Variants in SPATA6 observed in about 807,000 individuals in gnomAD.
SPATA6 encodes the protein spermatogenesis-associated protein 6.
Under a neutral mutation model 65.3 loss-of-function variants are expected in SPATA6, and 56 were observed. The observed-to-expected ratio is 0.86, with a 90% CI of 0.69 to 1.07. SPATA6 has a LOEUF of 1.07. Ranked by LOEUF, SPATA6 falls within the 50% of genes least tolerant of loss-of-function variation. The pLI is 0.00. For synonymous variants in SPATA6, 199 were observed against 213.2 expected, an observed-to-expected ratio of 0.93 and a Z score of 0.58; for missense variants, 590 against 594.8, an observed-to-expected ratio of 0.99 and a Z score of 0.08.
At chr1:48,399,223 T>A (rs140203832) in intron 7 of SPATA6, 128 bp downstream of exon 7, 1 of 1,108,730 alleles carries the variant, frequency 9.0e-7, no homozygotes, top group East Asian at 2.6e-5. Context: ...CTTAGACTGC[T>A]AGGGTAGCAG....
chr1:48,382,896 C>T (rs1648909237), intron 9 of SPATA6, among the ~76,000 whole-genome samples: 1 of 145,636 alleles, frequency 6.9e-6, no homozygotes, highest in Non-Finnish European at 1.5e-5. Flanking sequence ...GGCGGCTGGC[C>T]GGGCGGGGGG....
chr1:48,471,475 A>C (rs773226661), intron 1 of SPATA6, among the ~76,000 whole-genome samples: 3 of 152,140 alleles, frequency 2.0e-5, no homozygotes, highest in Non-Finnish European at 4.4e-5. Context: ...AGACAGAATA[A>C]AGAAAGGCCC....
At chr1:48,461,349 C>T (rs1335969389) in intron 1 of SPATA6, among the ~76,000 whole-genome samples, 1 of 152,130 alleles carries the variant, frequency 6.6e-6, no homozygotes, top group African/African-American at 2.4e-5. Context: ...TTAATTAGAT[C>T]CCATTTGTCA....
intron 8 of SPATA6, among the ~76,000 whole-genome samples, chr1:48,391,287 A>G (rs1418133489): frequency 6.6e-6 from 1 of 151,798 alleles, no homozygotes; most frequent in Non-Finnish European, 1.5e-5. Context: ...TGAGGTGGGA[A>G]GATCATTTGA....
chr1:48,436,736 C>T lies in SPATA6; in HGVS notation c.238+14816G>A, dbSNP rs951798271. On this transcript the variant is annotated intron_variant, in intron 3 of 12. Transcript: ENST00000371847. Reference sequence around the variant, plus strand: ...TCAGATATTTACAGTGTTGGGATTACAGCATGTGAATTAGCCAGTGGGCAG... The same window carrying T: ...TCAGATATTTACAGTGTTGGGATTATAGCATGTGAATTAGCCAGTGGGCAG... 1.2e-5 allele frequency: 19 copies of T among 1,614,144 alleles called. 1 individual carries two copies. The highest frequency in any genetic ancestry group is 1.7e-5 in the Admixed American group (1 of 60,014).
At chr1:48,431,130 T>A (rs1254510738) in intron 3 of SPATA6, among the ~76,000 whole-genome samples, 1 of 151,738 alleles carries the variant, frequency 6.6e-6, no homozygotes, top group Non-Finnish European at 1.5e-5. Flanking sequence ...TATACTAATA[T>A]CAGACAAAAT....
At chr1:48,379,696 C>T (rs962062414) in intron 9 of SPATA6, among the ~76,000 whole-genome samples, 7 of 152,174 alleles carry the variant, frequency 4.6e-5, no homozygotes, top group Admixed American at 4.6e-4. Context: ...ATTCACAGAG[C>T]ACCCTCATAA....
Position 48,438,361 on chromosome 1 carries a change from T to C in SPATA6, c.238+13191A>G, listed in dbSNP as rs146364901. Among the ~76,000 whole-genome samples the C allele has an allele frequency of 7.9e-4, 120 of 152,270 alleles. 1 individual carries two copies. Among genetic ancestry groups the C allele is most frequent in the African/African-American group, 2.8e-3 (118 of 41,556 alleles). On this transcript the variant is annotated intron_variant, in intron 3 of 12. Coordinates refer to ENST00000371847, the MANE Select transcript of SPATA6 (RefSeq NM_019073.4). ...TTTTCCTTAGAATTTGGGGGCTAAA[T>C]ACCAGGCACCTGTTGGCCAGTTAAA...
At chr1:48,270,257 C>T in the SPATA6 span, among the ~76,000 whole-genome samples, 3 of 152,090 alleles carry the variant, frequency 2.0e-5, no homozygotes, top group African/African-American at 4.8e-5. Flanking sequence ...CATACACTTC[C>T]GCCAATTTCT....
intron 11 of SPATA6, among the ~76,000 whole-genome samples, chr1:48,313,249 C>T (rs976989481): frequency 2.0e-5 from 3 of 152,156 alleles, no homozygotes; most frequent in Non-Finnish European, 4.4e-5. Flanking sequence ...TTGTCAGATT[C>T]ACCAAAGTTT....
At chr1:48,286,907 C>T in the SPATA6 span, among the ~76,000 whole-genome samples, 4 of 151,884 alleles carry the variant, frequency 2.6e-5, no homozygotes, top group South Asian at 2.1e-4. Context: ...GGTGTGGTGG[C>T]GGGCACCTGT....
At chr1:48,271,753 C>G in the SPATA6 span, among the ~76,000 whole-genome samples, 4 of 152,254 alleles carry the variant, frequency 2.6e-5, no homozygotes, top group African/African-American at 9.6e-5. Context: ...AAGATAGTCA[C>G]TGATAATTCA....
At chr1:48,277,389 G>C in the SPATA6 span, among the ~76,000 whole-genome samples, 1 of 152,230 alleles carries the variant, frequency 6.6e-6, no homozygotes, top group Non-Finnish European at 1.5e-5. Flanking sequence ...TGCCTCACTT[G>C]GGAAGCGCAA....
At chr1:48,294,686 A>G (rs1037422921), downstream of SPATA6, among the ~76,000 whole-genome samples, 2 of 152,230 alleles carry the variant, frequency 1.3e-5, no homozygotes, top group African/African-American at 4.8e-5. Context: ...TATTTAGTTT[A>G]TTCCACCTTG....
chr1:48,348,930 C>T (rs1646443441), intron 11 of SPATA6, among the ~76,000 whole-genome samples: 1 of 151,870 alleles, frequency 6.6e-6, no homozygotes, highest in Admixed American at 6.6e-5. Context: ...AGTTTATTTA[C>T]TTCTTGGTTC....
chr1:48,363,949 C>G (rs1444783987), intron 9 of SPATA6, among the ~76,000 whole-genome samples: 1 of 152,070 alleles, frequency 6.6e-6, no homozygotes, highest in Non-Finnish European at 1.5e-5. Flanking sequence ...TATCCCTCCC[C>G]CCTTCCCCCA....
In SPATA6 at chr1:48,422,732, A is replaced by AG. The variant is rs542148293; in HGVS notation, c.239-9582_239-9581insC. Among the ~76,000 whole-genome samples the AG allele has an allele frequency of 5.9e-3, 894 of 152,326 alleles. 8 individuals carry two copies. Among genetic ancestry groups the AG allele is most frequent in the African/African-American group, 0.02 (835 of 41,566 alleles). ...TTCAATTATTTTTACAATTTTTCACATACAATGCCACATATTCAAAATTAA... is the reference window on the plus strand; with the variant it reads ...TTCAATTATTTTTACAATTTTTCACAGTACAATGCCACATATTCAAAATTAA... On this transcript the variant is annotated intron_variant, in intron 3 of 12. Coordinates refer to ENST00000371847, the MANE Select transcript of SPATA6 (RefSeq NM_019073.4).
chr1:48,437,012 G>A, intron 3 of SPATA6: 1 of 1,608,806 alleles, frequency 6.2e-7, no homozygotes, highest in Non-Finnish European at 8.5e-7. Context: ...GTACAGCTCT[G>A]TTTGCAACAA....
chr1:48,360,805 C>T (rs1178427343), intron 9 of SPATA6, among the ~76,000 whole-genome samples: 1 of 152,016 alleles, frequency 6.6e-6, no homozygotes, highest in Admixed American at 6.6e-5. Flanking sequence ...TGGCTTGGGC[C>T]AGAATGACTG....
Sources: allele counts gnomAD v4.1 joint callset (sites outside exome capture counted in the v4.1 genomes callset), GRCh38; gene constraint gnomAD v4.1.1; transcripts MANE v1.5; gene names NCBI Gene and HGNC (gene_info 2026-07-23, HGNC 2026-07-21).